The following CCDC69 variants were observed in gnomAD, a reference collection of about 807,000 sequenced individuals.
CCDC69 encodes coiled-coil domain containing 69, also known as coiled-coil domain-containing protein 69.
Under a neutral mutation model 40.3 loss-of-function variants are expected in CCDC69, and 38 were observed. That is an observed-to-expected ratio of 0.94 (90% confidence interval 0.73 to 1.24). CCDC69 has a LOEUF of 1.24. Ranked by LOEUF, CCDC69 falls within the 50% of genes most tolerant of loss-of-function variation. The pLI is 0.00. For synonymous variants in CCDC69, 141 were observed against 138.9 expected (o/e 1.02, Z -0.11); for missense variants, 389 against 357.9 (o/e 1.09, Z -0.70).
At chr5:151,187,179 T>C (rs1024820011) in intron 5 of CCDC69, among the ~76,000 whole-genome samples, 1 of 152,128 alleles carries the variant, frequency 6.6e-6, no homozygotes, top group Non-Finnish European at 1.5e-5. Context: ...CCTGGAAAAA[T>C]AGGCCCAACT....
intron 4 of CCDC69, among the ~76,000 whole-genome samples, chr5:151,193,708 C>T (rs944711792): frequency 6.6e-6 from 1 of 152,000 alleles, no homozygotes; most frequent in Non-Finnish European, 1.5e-5. Context: ...AGTTCACAGA[C>T]ATGACATAAG....
intron 4 of CCDC69, among the ~76,000 whole-genome samples, chr5:151,193,228 A>T (rs1244384915): frequency 6.6e-6 from 1 of 151,700 alleles, no homozygotes; most frequent in Non-Finnish European, 1.5e-5. Flanking sequence ...CTAAAGAAAA[A>T]CCAGGCCAGA....
chr5:151,183,199 C>A lies in CCDC69; in HGVS notation c.*238G>T. ...CTGGGGCAGGGAGGAAATGTCTCCT[C>A]TTGCTTATTCCCTTGGCCAACTCAA... is the stretch of plus-strand genomic sequence containing the variant. On this transcript the variant is annotated 3_prime_UTR_variant, in exon 9 of 9. Transcript: ENST00000355417. 4 of 668,686 alleles carry A rather than the reference C, an allele frequency of 6.0e-6. No homozygotes were observed. Among genetic ancestry groups the A allele is most frequent in the Non-Finnish European group, 1.1e-5 (4 of 363,654 alleles). 41.4% of individuals were successfully genotyped at this position (668,686 alleles called of 1,614,324 possible).
intron 1 of CCDC69, among the ~76,000 whole-genome samples, chr5:151,217,820 T>G (rs1199308009): frequency 1.3e-5 from 2 of 152,220 alleles, no homozygotes; most frequent in Non-Finnish European, 2.9e-5. Context: ...AATGTCGCAT[T>G]TACAGGTTCT....
intron 1 of CCDC69, among the ~76,000 whole-genome samples, chr5:151,222,221 G>A (rs992821392): frequency 6.6e-5 from 10 of 152,232 alleles, no homozygotes; most frequent in African/African-American, 1.2e-4. Context: ...TAGTGGGTGC[G>A]TCAGCCCAGG....
chr5:151,199,259 G>A (rs964557185), intron 3 of CCDC69, among the ~76,000 whole-genome samples, 175 bp from the exon 4 acceptor site: 2 of 152,164 alleles, frequency 1.3e-5, no homozygotes, highest in African/African-American at 4.8e-5. Flanking sequence ...AGCAAGCGTG[G>A]CAGAATTTGC....
chr5:151,203,990 T>C (rs1752818083), intron 2 of CCDC69, among the ~76,000 whole-genome samples: 1 of 149,586 alleles, frequency 6.7e-6, no homozygotes, highest in African/African-American at 2.5e-5. Flanking sequence ...TTAGTTGGTC[T>C]GTGGTAGGTC....
At chr5:151,206,482 G>T (rs1752855130) in intron 1 of CCDC69, among the ~76,000 whole-genome samples, 1 of 152,168 alleles carries the variant, frequency 6.6e-6, no homozygotes, top group East Asian at 1.9e-4. Flanking sequence ...CCTCTAAGAG[G>T]AATAAGTAAT....
At position 151,205,626 on chromosome 5, in the gene CCDC69, G is replaced by A. The variant is rs1027079088; in HGVS notation, c.49-151C>T. 1.1e-5 allele frequency: 7 copies of A among 663,260 alleles called. No individual in the cohort carries two copies. The African/African-American group carries it at 1.3e-4, about 12-fold the overall frequency. The allele number at this position is 663,260 out of a possible 1,614,324, so 41.1% of individuals were successfully genotyped here. On this transcript the variant is annotated intron_variant, in intron 1 of 8. Transcript: ENST00000355417. ...CGCCTGCGCATTGGGCTGCCTCGCA[G>A]CCCCAGGCAGCAGACCCTCTACCGG...
At chr5:151,212,020 G>A (rs187308324) in intron 1 of CCDC69, 3 of 150,826 alleles carry the variant, frequency 2.0e-5, no homozygotes, top group African/African-American at 7.4e-5. Context: ...GTGGTGGTGG[G>A]GGGGGGAGTT....
intron 1 of CCDC69, among the ~76,000 whole-genome samples, chr5:151,218,358 G>C (rs971618954): frequency 6.6e-6 from 1 of 152,164 alleles, no homozygotes; most frequent in Admixed American, 6.5e-5. Context: ...CTGGTCACTG[G>C]GGACGGCTCA....
At chr5:151,204,286 T>C (rs1235524998) in intron 2 of CCDC69, among the ~76,000 whole-genome samples, 2 of 152,146 alleles carry the variant, frequency 1.3e-5, no homozygotes, top group East Asian at 3.8e-4. Context: ...CCATCCACCT[T>C]GGCCTCCCAA....
chr5:151,219,769 A>G (rs535638987), intron 1 of CCDC69, among the ~76,000 whole-genome samples: 1 of 152,162 alleles, frequency 6.6e-6, no homozygotes, highest in Non-Finnish European at 1.5e-5. Context: ...CACATTTTGA[A>G]ATTTTGACTC....
chr5:151,189,951 G>A (rs1752583400), intron 4 of CCDC69, among the ~76,000 whole-genome samples: 1 of 152,104 alleles, frequency 6.6e-6, no homozygotes, highest in South Asian at 2.1e-4. Flanking sequence ...TTCTTTTGGA[G>A]TACAAAACCA....
At chr5:151,210,423 A>C (rs1752929789) in intron 1 of CCDC69, among the ~76,000 whole-genome samples, 1 of 152,120 alleles carries the variant, frequency 6.6e-6, no homozygotes, top group African/African-American at 2.4e-5. Context: ...ATGCGCCTCT[A>C]ACCCCAGCTA....
intron 1 of CCDC69, among the ~76,000 whole-genome samples, chr5:151,221,889 G>T (rs192910006): frequency 6.6e-6 from 1 of 152,372 alleles, no homozygotes; most frequent in East Asian, 1.9e-4. Context: ...CTTCCAAGGG[G>T]TTGGCACCTG....
Position 151,182,740 on chromosome 5 carries a change from T to C in CCDC69, c.*697A>G. On this transcript the variant is annotated 3_prime_UTR_variant, in exon 9 of 9. Transcript: ENST00000355417. ...CCTTGCCTGGTAAAGGAAGAGGAGC[T>C]CTGGCTACTGTCCCTTGGTGGACAC... 3.2e-6 allele frequency: 1 copy of C among 311,148 alleles called. No individual in the cohort carries two copies. Among genetic ancestry groups the C allele is most frequent in the Non-Finnish European group, 6.4e-6 (1 of 156,702 alleles). The allele number at this position is 311,148 out of a possible 1,614,324, so 19.3% of individuals were successfully genotyped here.
At chr5:151,193,403 C>T (rs1752650057) in intron 4 of CCDC69, among the ~76,000 whole-genome samples, 1 of 148,762 alleles carries the variant, frequency 6.7e-6, no homozygotes, top group Admixed American at 6.7e-5. Flanking sequence ...ATAGTCCCAA[C>T]TACTTGGGAG....
intron 2 of CCDC69, among the ~76,000 whole-genome samples, chr5:151,205,107 C>G (rs1752834539): frequency 7.0e-6 from 1 of 141,882 alleles, no homozygotes; most frequent in Non-Finnish European, 1.5e-5. Flanking sequence ...TTTCCAGATT[C>G]TTCACCAGTC....
Sources: allele counts gnomAD v4.1 joint callset (sites outside exome capture counted in the v4.1 genomes callset), GRCh38; gene constraint gnomAD v4.1.1; transcripts MANE v1.5; gene names NCBI Gene and HGNC (gene_info 2026-07-23, HGNC 2026-07-21).